BDKRB1: variants seen among roughly 807,000 people sequenced by gnomAD.
BDKRB1 encodes bradykinin receptor B1.
For missense variants in BDKRB1, 414 were observed against 441.4 expected (o/e 0.94, Z 0.56); for synonymous variants, 192 against 189.1 (o/e 1.02, Z -0.13).
In BDKRB1 at chr14:96,263,612, G is replaced by A. The variant is rs369895739; in HGVS notation, c.-10-61G>A. ...TTGTCCAAAAACAGGTGACAGGTTG[G>A]TTTGGCTCATAGGCTGTAGTCTGCC... On this transcript the variant is annotated intron_variant, in intron 2 of 2. Coordinates refer to ENST00000216629, the MANE Select transcript of BDKRB1 (RefSeq NM_000710.4). 3.4e-4 allele frequency: 511 copies of A among 1,493,518 alleles called. 6 individuals carry two copies. In the South Asian group the frequency reaches 6.6e-3, roughly 19 times the overall value. The allele number at this position is 1,493,518 out of a possible 1,614,324, so 92.5% of individuals were successfully genotyped here.
In BDKRB1 at chr14:96,264,650, T is replaced by A. The variant is rs752754542; in HGVS notation, c.968T>A (p.Val323Asp). ...VFVGRLFRTK[V>D]WELYKQCTPK... ...GTGGGCCGGCTCTTCAGGACCAAGG[T>A]CTGGGAACTTTATAAACAATGCACC... Residue 323 changes from valine (V) to aspartate (D), a missense_variant, in exon 3 of 3, where the codon GTC becomes GAC. Physicochemically the swap from Val to Asp is radical, Grantham distance 152. Transcript: ENST00000216629. 6.2e-7 allele frequency: 1 copy of A among 1,614,180 alleles called. No homozygotes were observed. Among genetic ancestry groups the A allele is most frequent in the Non-Finnish European group, 8.5e-7 (1 of 1,180,036 alleles).
intron 1 of BDKRB1, 94 bp downstream of exon 1, chr14:96,256,394 A>G (rs1467520124): frequency 6.6e-6 from 1 of 152,130 alleles, no homozygotes; most frequent in Non-Finnish European, 1.5e-5. Flanking sequence ...TTCCTTTTAC[A>G]CCTACCTATT....
chr14:96,262,602 TCTC>T (rs1453476099), intron 1 of BDKRB1, 47 bp from the exon 2 acceptor site: 1 of 388,946 alleles, frequency 2.6e-6, no homozygotes, highest in African/African-American at 2.7e-5. Flanking sequence ...TCTCTCTCTC[TCTC>T]CTTTTTTTTT....
At chr14:96,259,857 G>C (rs1442805185) in intron 1 of BDKRB1, 1 of 152,132 alleles carries the variant, frequency 6.6e-6, no homozygotes, top group East Asian at 1.9e-4. Context: ...CACACAGTCA[G>C]CCATCACTTC....
In BDKRB1 at chr14:96,263,694, C is replaced by G; in HGVS notation, c.12C>G (p.Ser4=). The G allele has an allele frequency of 6.2e-7, 1 of 1,613,196 alleles. No individual in the cohort carries two copies. The highest frequency in any genetic ancestry group is 8.5e-7 in the Non-Finnish European group (1 of 1,179,584). The change falls in exon 3 of 3, where the codon TCC becomes TCG. Residue 4 remains serine (S), a synonymous_variant. Transcript: ENST00000216629. The part of the protein sequence containing the change: MAS[S]WPPLELQSSN... The stretch of plus-strand genomic sequence containing the variant: ...TCAGGTCACTGTGCATGGCATCATC[C>G]TGGCCCCCTCTAGAGCTCCAATCCT...
Position 96,264,132 on chromosome 14 carries a change from G to T in BDKRB1, c.450G>T (p.Arg150=), listed in dbSNP as rs1885829391. The part of the protein sequence containing the change: ...VHPMASRRQQ[R]RRQARVTCVL... ...CTATGGCCAGCCGGAGGCAGCAGCG[G>T]CGGAGGCAGGCCCGGGTCACCTGCG... The change falls in exon 3 of 3, where the codon CGG becomes CGT. Residue 150 remains arginine, a synonymous_variant. Coordinates refer to ENST00000216629, the MANE Select transcript of BDKRB1 (RefSeq NM_000710.4). 1.9e-6 allele frequency: 3 copies of T among 1,594,824 alleles called. No individual in the cohort carries two copies. The highest frequency in any genetic ancestry group is 3.4e-5 in the Admixed American group (2 of 58,930).
At chr14:96,258,236 T>C (rs1043895454) in intron 1 of BDKRB1, among the ~76,000 whole-genome samples, 1 of 152,236 alleles carries the variant, frequency 6.6e-6, no homozygotes, top group African/African-American at 2.4e-5. Flanking sequence ...TGCTACAGTT[T>C]CTTGTACCTG....
rs148906103 is a variant in BDKRB1 at position 96,263,783 on chromosome 14, A to G, written c.101A>G (p.Asp34Gly). 1.2e-6 allele frequency: 2 copies of G among 1,614,166 alleles called. No individual in the cohort carries two copies. The highest frequency in any genetic ancestry group is 2.2e-5 in the South Asian group (2 of 91,074). The part of the protein sequence containing the change: ...TACDNAPEAW[D>G]LLHRVLPTFI... ...TGTGACAATGCTCCAGAAGCCTGGG[A>G]CCTGCTGCACAGAGTGCTGCCAACA... is the stretch of plus-strand genomic sequence containing the variant. Residue 34 changes from aspartate (D) to glycine (G), a missense_variant, in exon 3 of 3, where the codon GAC becomes GGC. Transcript: ENST00000216629.
Position 96,260,702 on chromosome 14 carries a change from A to G in BDKRB1, c.-129-1950A>G, listed in dbSNP as rs368250237. Reference sequence around the variant, plus strand: ...AGCTTCCATGTGCCATGGACATTTCACAACCACCAAATCATAATTTCCCAT... The same window carrying G: ...AGCTTCCATGTGCCATGGACATTTCGCAACCACCAAATCATAATTTCCCAT... On this transcript the variant is annotated intron_variant, in intron 1 of 2. Coordinates refer to ENST00000216629, the MANE Select transcript of BDKRB1 (RefSeq NM_000710.4). Among the ~76,000 whole-genome samples the G allele has an allele frequency of 1.2e-4, 18 of 152,266 alleles. No homozygotes were observed. In the South Asian group the frequency reaches 3.7e-3, roughly 32 times the overall value.
chr14:96,264,365 C>A lies in BDKRB1; in HGVS notation c.683C>A (p.Ser228Tyr). ...IVFFNYHILA[S>Y]LRTREEVSRT... ...TTCTTCAACTACCACATCCTGGCCT[C>A]CCTGCGAACGCGGGAGGAGGTCAGC... Residue 228 changes from serine to tyrosine, a missense_variant, in exon 3 of 3, where the codon TCC (serine) becomes TAC (tyrosine). Transcript: ENST00000216629. 1 of 1,614,212 alleles carries A rather than the reference C, an allele frequency of 6.2e-7. No homozygotes were observed. Among genetic ancestry groups the A allele is most frequent in the Non-Finnish European group, 8.5e-7 (1 of 1,180,046 alleles).
chr14:96,259,089 T>G (rs1885683454), intron 1 of BDKRB1, among the ~76,000 whole-genome samples: 1 of 152,234 alleles, frequency 6.6e-6, no homozygotes, highest in Non-Finnish European at 1.5e-5. Flanking sequence ...CATTTTATAA[T>G]TTTTCTGCAT....
intron 1 of BDKRB1, among the ~76,000 whole-genome samples, chr14:96,261,371 A>G (rs1200750633): frequency 6.6e-6 from 1 of 152,222 alleles, no homozygotes; most frequent in Non-Finnish European, 1.5e-5. Context: ...CTCAGTAAAT[A>G]CTTGTTCAGC....
chr14:96,263,402 C>T (rs758748386), intron 2 of BDKRB1, among the ~76,000 whole-genome samples: 109 of 152,294 alleles, frequency 7.2e-4, no homozygotes, highest in Non-Finnish European at 4.0e-4. Context: ...GGGATTTGGA[C>T]TCAGGCACCA....
chr14:96,262,516 C>A, intron 1 of BDKRB1, 136 bp from the exon 2 acceptor site: 1 of 383,702 alleles, frequency 2.6e-6, no homozygotes. Flanking sequence ...GGAACACAGA[C>A]CATTAATACC....
chr14:96,264,414 G>A lies in BDKRB1; in HGVS notation c.732G>A (p.Lys244=). The A allele has an allele frequency of 6.2e-7, 1 of 1,614,224 alleles. No individual in the cohort carries two copies. The highest frequency in any genetic ancestry group is 8.5e-7 in the Non-Finnish European group (1 of 1,180,038). ...EVSRTRCGGR[K]DSKTTALILT... is the part of the protein sequence containing the mutation. ...GCAGGACAAGGTGCGGGGGCCGCAA[G>A]GATAGCAAGACCACAGCGCTGATCC... The change falls in exon 3 of 3, where the codon AAG becomes AAA. Residue 244 remains lysine, a synonymous_variant. Coordinates refer to ENST00000216629, the MANE Select transcript of BDKRB1 (RefSeq NM_000710.4).
At chr14:96,263,204 C>T (rs1314138689) in intron 2 of BDKRB1, among the ~76,000 whole-genome samples, 3 of 152,180 alleles carry the variant, frequency 2.0e-5, no homozygotes, top group Non-Finnish European at 4.4e-5. Flanking sequence ...AATAATGGTA[C>T]AGTTGTTACT....
chr14:96,262,871 A>G, intron 2 of BDKRB1, 101 bp downstream of exon 2: 6 of 351,936 alleles, frequency 1.7e-5, no homozygotes, highest in South Asian at 1.3e-4. Flanking sequence ...CATCTGATCC[A>G]TCTGCCTTGG....
chr14:96,258,201 T>G (rs192740336), intron 1 of BDKRB1, among the ~76,000 whole-genome samples: 97 of 152,292 alleles, frequency 6.4e-4, no homozygotes, highest in African/African-American at 2.2e-3. Flanking sequence ...ATAAGCAAAA[T>G]AATTGTTCTT....
rs1366132597 is a variant in BDKRB1 at position 96,264,756 on chromosome 14, A to G, written c.*12A>G. 6.3e-7 allele frequency: 1 copy of G among 1,588,476 alleles called. No individual in the cohort carries two copies. The highest frequency in any genetic ancestry group is 1.4e-5 in the African/African-American group (1 of 73,202). On this transcript the variant is annotated 3_prime_UTR_variant, in exon 3 of 3. Coordinates refer to ENST00000216629, the MANE Select transcript of BDKRB1 (RefSeq NM_000710.4). ...TCTGGCGGAATTAAAACAGCATTGA[A>G]CCAAGAAGCTTGGCTTTCTTATCAA...
Sources: allele counts gnomAD v4.1 joint callset (sites outside exome capture counted in the v4.1 genomes callset), GRCh38; gene constraint gnomAD v4.1.1; transcripts MANE v1.5; gene names NCBI Gene and HGNC (gene_info 2026-07-23, HGNC 2026-07-21).